SEPTIN5: variants seen among roughly 807,000 people sequenced by gnomAD.
The protein encoded by SEPTIN5 is septin 5.
Under a neutral mutation model 51.2 loss-of-function variants are expected in SEPTIN5, and 16 were observed. That is an observed-to-expected ratio of 0.31 (90% CI 0.21 to 0.47). SEPTIN5 has a LOEUF of 0.47. Among genes scored for constraint, SEPTIN5 ranks in the 20% least tolerant of loss-of-function variants. The pLI is 0.99. For missense variants in SEPTIN5, 376 were observed against 500.3 expected (o/e 0.75, Z 2.37); for synonymous variants, 208 against 191.2 (o/e 1.09, Z -0.72).
In SEPTIN5 at chr22:19,722,416, C is replaced by T. The variant is rs767714842; in HGVS notation, c.1054-12C>T. On this transcript the variant is annotated splice_polypyrimidine_tract_variant and intron_variant, in intron 11 of 11. Transcript: ENST00000455784. ...CGGTGCTGCTCACCCGCCGGGTTGT[C>T]TCCGCCCGCAGCTGAGGCGCATGCA... The T allele has an allele frequency of 6.3e-7, 1 of 1,599,018 alleles. No homozygotes were observed. Among genetic ancestry groups the T allele is most frequent in the East Asian group, 2.3e-5 (1 of 43,994 alleles).
intron 8 of SEPTIN5, among the ~76,000 whole-genome samples, chr22:19,721,114 G>A (rs1167906085): frequency 6.6e-6 from 1 of 152,194 alleles, no homozygotes; most frequent in East Asian, 1.9e-4. Flanking sequence ...TGGCAGGTAT[G>A]GAGCACTTGC....
In SEPTIN5 at chr22:19,723,057, C is replaced by CTTA; in HGVS notation, c.*573_*574insTTA. ...AGGAGCGGGGTCGTGACCGCTTACA[C>CTTA]CCCTTCTCCACAGCCCGGCCCGACC... is the stretch of plus-strand genomic sequence containing the variant. On this transcript the variant is annotated 3_prime_UTR_variant, in exon 12 of 12. Transcript: ENST00000455784. 2.0e-6 allele frequency: 1 copy of CTTA among 501,848 alleles called. No individual in the cohort carries two copies. The allele number at this position is 501,848 out of a possible 1,614,324, so 31.1% of individuals were successfully genotyped here.
At chr22:19,715,006 C>T (rs910362256) in intron 2 of SEPTIN5, among the ~76,000 whole-genome samples, 1 of 152,240 alleles carries the variant, frequency 6.6e-6, no homozygotes, top group African/African-American at 2.4e-5. Flanking sequence ...CAGCAGGGAC[C>T]CTGCGCCCCT....
chr22:19,717,735 G>A (rs1456066129), intron 2 of SEPTIN5: 2 of 255,566 alleles, frequency 7.8e-6, no homozygotes, highest in Non-Finnish European at 1.6e-5. Context: ...GCCCTCCTCC[G>A]GTCCCCCGAA....
rs749712052 is a variant in SEPTIN5 at position 19,719,933 on chromosome 22, C to T, written c.238+41C>T. The T allele has an allele frequency of 5.0e-6, 8 of 1,608,782 alleles. No individual in the cohort carries two copies. In the Admixed American group the frequency reaches 1.3e-4, roughly 27 times the overall value. ...GAGGCCCTGGCACTGATCCCCAGTCCCCTTCCATGGGACCTCTCCAAGGAC... is the reference window on the plus strand; with the variant it reads ...GAGGCCCTGGCACTGATCCCCAGTCTCCTTCCATGGGACCTCTCCAAGGAC... On this transcript the variant is annotated intron_variant, in intron 4 of 11. Transcript: ENST00000455784.
At chr22:19,717,406 CAGG>C (rs1438635456) in intron 2 of SEPTIN5, 7 of 464,296 alleles carry the variant, frequency 1.5e-5, no homozygotes, top group Non-Finnish European at 2.7e-5. Context: ...GCCCGGCTGG[CAGG>C]AGCTCCCAGT....
chr22:19,721,876 C>A lies in SEPTIN5; in HGVS notation c.869C>A (p.Thr290Lys), dbSNP rs1392539784. ...FVKLRNMLIR[T>K]HMHDLKDVTC... ...AAGCTGCGCAACATGCTCATCCGCA[C>A]GCATATGCACGACCTCAAGGACGTG... The change falls in exon 10 of 12, where the codon ACG becomes AAG. Residue 290 changes from threonine (T) to lysine (K), a missense_variant. By Grantham distance (78) the Thr-to-Lys change is moderately conservative (BLOSUM62 -1). Coordinates refer to ENST00000455784, the MANE Select transcript of SEPTIN5 (RefSeq NM_002688.6). The A allele has an allele frequency of 6.2e-7, 1 of 1,612,230 alleles. No homozygotes were observed. The highest frequency in any genetic ancestry group is 8.5e-7 in the Non-Finnish European group (1 of 1,179,530).
At position 19,719,718 on chromosome 22, in the gene SEPTIN5, C is replaced by T. The variant is rs372443047; in HGVS notation, c.151+20C>T. 3.4e-4 allele frequency: 555 copies of T among 1,611,970 alleles called. No homozygotes were observed. Among genetic ancestry groups the T allele is most frequent in the Non-Finnish European group, 4.5e-4 (532 of 1,179,328 alleles). ...TGGCTGGTGAGTGGGCCAGGCTCCT[C>T]GGGGGAGTGGCTGGGGTCACTGGCC... is the stretch of plus-strand genomic sequence containing the variant. On this transcript the variant is annotated intron_variant, in intron 3 of 11. Transcript: ENST00000455784.
chr22:19,716,644 C>T (rs772787797), intron 2 of SEPTIN5, among the ~76,000 whole-genome samples: 1 of 152,214 alleles, frequency 6.6e-6, no homozygotes, highest in Non-Finnish European at 1.5e-5. Flanking sequence ...TGACTGGGCC[C>T]CAGTGGGTGG....
chr22:19,722,573 CCA>C lies in SEPTIN5; in HGVS notation c.*92_*93del. The C allele has an allele frequency of 2.2e-6, 3 of 1,349,958 alleles. No individual in the cohort carries two copies. Among genetic ancestry groups the C allele is most frequent in the African/African-American group, 1.4e-5 (1 of 69,282 alleles). 83.6% of individuals were successfully genotyped at this position (1,349,958 alleles called of 1,614,324 possible). A position where few individuals can be genotyped will look rare whatever the true frequency, so the allele number is the denominator to read the frequency against. ...CTGTTCCCGACCCGGAGACGCGGGGCCACAGCCCCCAGCTGACCCTAATTTAT... is the reference window on the plus strand; with the variant it reads ...CTGTTCCCGACCCGGAGACGCGGGGCCAGCCCCCAGCTGACCCTAATTTAT... On this transcript the variant is annotated 3_prime_UTR_variant, in exon 12 of 12. Transcript: ENST00000455784.
chr22:19,719,454 C>T (rs1601240968), intron 2 of SEPTIN5, 148 bp from the exon 3 acceptor site: 3 of 638,390 alleles, frequency 4.7e-6, no homozygotes, highest in Non-Finnish European at 2.7e-6. Flanking sequence ...CTTTTGCCCA[C>T]GGGCCCTCCC....
At chr22:19,719,934 C>T (rs1207197809) in intron 4 of SEPTIN5, 42 bp downstream of exon 4, 2 of 1,608,904 alleles carry the variant, frequency 1.2e-6, no homozygotes, top group Non-Finnish European at 8.5e-7. Context: ...TCCCCAGTCC[C>T]CTTCCATGGG....
Position 19,714,912 on chromosome 22 carries a change from C to T in SEPTIN5, c.54+121C>T, listed in dbSNP as rs1935892871. 3.1e-6 allele frequency: 4 copies of T among 1,285,392 alleles called. No homozygotes were observed. The highest frequency in any genetic ancestry group is 1.4e-5 in the South Asian group (1 of 69,590). 79.6% of individuals were successfully genotyped at this position (1,285,392 alleles called of 1,614,324 possible). Reference sequence around the variant, plus strand: ...CGCCGGCCCTCACCCAGCCCTGTCGCGATCACCGATTGTCAGCCGGGCAGT... The same window carrying T: ...CGCCGGCCCTCACCCAGCCCTGTCGTGATCACCGATTGTCAGCCGGGCAGT... On this transcript the variant is annotated intron_variant, in intron 2 of 11. Transcript: ENST00000455784. The surrounding 1 kb of genome is among the most constrained non-coding windows in gnomAD (Gnocchi z 5.2).
rs1281074718 is a variant in SEPTIN5, at chr22:19,719,906, A to C, written c.238+14A>C. ...TCAGTGCTGAGGGTGAGTGGCCCCC[A>C]GGAGGCCCTGGCACTGATCCCCAGT... On this transcript the variant is annotated intron_variant, in intron 4 of 11. Transcript: ENST00000455784. 5 of 1,612,064 alleles carry C rather than the reference A, an allele frequency of 3.1e-6. No homozygotes were observed. The highest frequency in any genetic ancestry group is 4.2e-6 in the Non-Finnish European group (5 of 1,179,792).
rs374672234 is a variant in SEPTIN5 at position 19,720,101 on chromosome 22, C to T, written c.239-14C>T. 9.8e-5 allele frequency: 158 copies of T among 1,612,900 alleles called. No homozygotes were observed. In the East Asian group the frequency reaches 1.6e-3, roughly 16 times the overall value. Reference sequence around the variant, plus strand: ...AGGGTTGGAGAGGCCCTTCCAGTGGCCCCTTCCCCGTAGAGCGCATCAGCC... The same window carrying T: ...AGGGTTGGAGAGGCCCTTCCAGTGGTCCCTTCCCCGTAGAGCGCATCAGCC... On this transcript the variant is annotated splice_polypyrimidine_tract_variant and intron_variant, in intron 4 of 11. Coordinates refer to ENST00000455784, the MANE Select transcript of SEPTIN5 (RefSeq NM_002688.6).
intron 2 of SEPTIN5, chr22:19,718,344 G>A (rs2145787233): frequency 1.0e-6 from 1 of 967,730 alleles, no homozygotes; most frequent in Non-Finnish European, 1.2e-6. Flanking sequence ...GCCGCTTTCG[G>A]GTGGCTCCGC....
intron 2 of SEPTIN5, chr22:19,719,381 C>T: frequency 3.6e-6 from 2 of 554,410 alleles, no homozygotes; most frequent in South Asian, 2.2e-5. Flanking sequence ...CAGAGCCCTC[C>T]CTGGGATTGG....
chr22:19,723,155 G>T lies in SEPTIN5; in HGVS notation c.*671G>T, dbSNP rs1233304110. ...TCGGTGCCGTCCCCTGCCCTCGCTC[G>T]AGGCCTCTTCTCCCCAGCACCGCTG... is the stretch of plus-strand genomic sequence containing the variant. On this transcript the variant is annotated 3_prime_UTR_variant, in exon 12 of 12. Transcript: ENST00000455784. The T allele has an allele frequency of 1.8e-6, 1 of 566,074 alleles. No individual in the cohort carries two copies. The highest frequency in any genetic ancestry group is 3.4e-6 in the Non-Finnish European group (1 of 298,296). The allele number at this position is 566,074 out of a possible 1,614,324, so 35.1% of individuals were successfully genotyped here.
At position 19,720,597 on chromosome 22, in the gene SEPTIN5, C is replaced by T; in HGVS notation, c.546C>T (p.Val182=). 3 of 1,612,974 alleles carry T rather than the reference C, an allele frequency of 1.9e-6. No homozygotes were observed. In the South Asian group the frequency reaches 3.3e-5, roughly 18 times the overall value. The change falls in exon 7 of 12, where the codon GTC becomes GTT. Residue 182 remains valine (V), a synonymous_variant. Coordinates refer to ENST00000455784, the MANE Select transcript of SEPTIN5 (RefSeq NM_002688.6). The stretch of plus-strand genomic sequence containing the variant: ...TCATGAAGGCATTGCATGAGAAGGT[C>T]AACATCGTGCCTCTCATCGCCAAAG... ...VGFMKALHEK[V]NIVPLIAKAD... is the part of the protein sequence containing the mutation.
Sources: gnomAD v4.1 joint callset for allele counts (sites outside exome capture counted in the v4.1 genomes callset) on GRCh38, gnomAD v4.1.1 for gene constraint, Gnocchi (gnomAD v3.1) non-coding constraint, MANE v1.5 for transcripts, NCBI Gene and HGNC (gene_info 2026-07-23, HGNC 2026-07-21) for gene names.